The following AUTS2 variants were observed in gnomAD, a reference collection of about 807,000 sequenced individuals.
AUTS2 encodes autism susceptibility gene 2 protein.
In AUTS2, 17 loss-of-function variants were observed where a neutral mutation model predicts 112.4. The ratio of observed to expected loss-of-function variants is 0.15; its 90% confidence interval spans 0.10 to 0.23. AUTS2 has a LOEUF of 0.23. AUTS2 is among the 10% of genes least tolerant of loss of function. The pLI is 1.00. For synonymous variants in AUTS2, 751 were observed against 702.7 expected (o/e 1.07, Z -1.09); for missense variants, 1,510 against 1,701.6 (o/e 0.89, Z 1.98).
At chr7:70,485,543 C>A (rs756342512) in intron 5 of AUTS2, among the ~76,000 whole-genome samples, 5 of 152,112 alleles carry the variant, frequency 3.3e-5, no homozygotes, top group Admixed American at 6.5e-5. Context: ...GTGACGGCTG[C>A]ACCAAAATCT....
rs150182963 is a variant in AUTS2, at chr7:70,119,521, CG to C, written c.624+1289del. ...CCTGGATTACAGGCGCGTGCCACCC[CG>C]CCCAGCTAATTTTTGTATTTTCAAT... On this transcript the variant is annotated intron_variant, in intron 3 of 18. Transcript: ENST00000342771. The C allele has an allele frequency of 1.2e-3, 176 of 151,976 alleles. 1 individual carries two copies. Among genetic ancestry groups the C allele is most frequent in the African/African-American group, 4.2e-3 (173 of 41,420 alleles). 9.4% of individuals were successfully genotyped at this position (151,976 alleles called of 1,614,324 possible). A position where few individuals can be genotyped will look rare whatever the true frequency, so the allele number is the denominator to read the frequency against.
chr7:70,515,306 C>A (rs562020651), intron 5 of AUTS2, among the ~76,000 whole-genome samples: 1 of 152,222 alleles, frequency 6.6e-6, no homozygotes, highest in South Asian at 2.1e-4. Context: ...AATTAAGAGG[C>A]TTTTGCAAGA....
At chr7:70,240,290 T>C (rs1402144448) in intron 4 of AUTS2, among the ~76,000 whole-genome samples, 1 of 152,216 alleles carries the variant, frequency 6.6e-6, no homozygotes, top group Non-Finnish European at 1.5e-5. Context: ...ACACATCTGG[T>C]TGTGAATATT....
chr7:69,771,786 CTTT>C (rs10585402), intron 1 of AUTS2, among the ~76,000 whole-genome samples: 10 of 143,882 alleles, frequency 7.0e-5, no homozygotes, highest in African/African-American at 1.8e-4. Context: ...GTCATGTGAC[CTTT>C]TTTTTTTTTT....
At position 70,619,950 on chromosome 7, in the gene AUTS2, G is replaced by C. The variant is rs536761880; in HGVS notation, c.691-78619G>C. ...AGCCACAGAGCTGGAAGGCTGGACA[G>C]CAGCTAAGACAAGAGGCAGAGGCCT... is the stretch of plus-strand genomic sequence containing the variant. On this transcript the variant is annotated intron_variant, in intron 5 of 18. Coordinates refer to ENST00000342771, the MANE Select transcript of AUTS2 (RefSeq NM_015570.4). 1.0e-3 allele frequency among the ~76,000 whole-genome samples: 157 copies of C among 152,280 alleles called. 1 individual carries two copies. Among genetic ancestry groups the C allele is most frequent in the African/African-American group, 3.7e-3 (154 of 41,558 alleles).
At chr7:70,486,729 C>T (rs745886882) in intron 5 of AUTS2, among the ~76,000 whole-genome samples, 50 of 151,812 alleles carry the variant, frequency 3.3e-4, no homozygotes, top group South Asian at 8.4e-4. Context: ...ACTGCACTCC[C>T]GCCTGTGTGA....
chr7:70,683,701 A>G (rs557041525), intron 5 of AUTS2, among the ~76,000 whole-genome samples: 34 of 152,370 alleles, frequency 2.2e-4, no homozygotes, highest in African/African-American at 8.2e-4. Context: ...ATAGGACCAG[A>G]GAGGAGCTGG....
At chr7:69,627,451 A>G (rs1794008003) in intron 1 of AUTS2, among the ~76,000 whole-genome samples, 1 of 152,140 alleles carries the variant, frequency 6.6e-6, no homozygotes, top group Non-Finnish European at 1.5e-5. Context: ...AGATCACGCC[A>G]TTGCACTCCA....
intron 1 of AUTS2, among the ~76,000 whole-genome samples, chr7:69,650,651 A>G (rs1386557352): frequency 6.6e-6 from 1 of 152,158 alleles, no homozygotes; most frequent in Non-Finnish European, 1.5e-5. Flanking sequence ...AGAGCATTAA[A>G]CCAAGTATGG....
intron 4 of AUTS2, among the ~76,000 whole-genome samples, chr7:70,260,635 G>A (rs191371679): frequency 2.0e-5 from 3 of 152,088 alleles, no homozygotes; most frequent in Non-Finnish European, 2.9e-5. Context: ...GTTTCAACAC[G>A]AGTTTTGGAG....
chr7:69,628,655 A>G (rs74670299), intron 1 of AUTS2, among the ~76,000 whole-genome samples: 2 of 152,328 alleles, frequency 1.3e-5, no homozygotes, highest in East Asian at 3.9e-4. Flanking sequence ...GCGTGTCTTC[A>G]TATGGCTAGA....
At chr7:70,131,693 T>G (rs566170800) in intron 3 of AUTS2, among the ~76,000 whole-genome samples, 16 of 152,210 alleles carry the variant, frequency 1.1e-4, no homozygotes, top group African/African-American at 3.6e-4. Flanking sequence ...ACCAAATATT[T>G]GCAGCTGTAT....
chr7:70,103,130 A>C (rs1283391626), intron 2 of AUTS2, among the ~76,000 whole-genome samples: 1 of 152,234 alleles, frequency 6.6e-6, no homozygotes, highest in Non-Finnish European at 1.5e-5. Context: ...TATTAGAGCT[A>C]TCCAAAGGAA....
chr7:69,822,219 C>T (rs541606742), intron 1 of AUTS2, among the ~76,000 whole-genome samples: 2 of 152,282 alleles, frequency 1.3e-5, no homozygotes, highest in South Asian at 4.2e-4. Context: ...TGTGGACCAG[C>T]CACTTATGCC....
intron 4 of AUTS2, among the ~76,000 whole-genome samples, chr7:70,408,272 T>C (rs1382243769): frequency 6.7e-6 from 1 of 150,320 alleles, no homozygotes; most frequent in East Asian, 2.0e-4. Flanking sequence ...AAGGAAGGGG[T>C]CTGGTATGGT....
At chr7:69,979,828 G>A (rs1321554908) in intron 2 of AUTS2, among the ~76,000 whole-genome samples, 1 of 152,118 alleles carries the variant, frequency 6.6e-6, no homozygotes, top group African/African-American at 2.4e-5. Context: ...GAGAAAAGAG[G>A]GATACAGATT....
chr7:69,906,314 C>T (rs1258598083), intron 2 of AUTS2, among the ~76,000 whole-genome samples: 1 of 152,212 alleles, frequency 6.6e-6, no homozygotes, highest in East Asian at 1.9e-4. Context: ...AGCCTCTGTA[C>T]ATTCTGCATT....
At chr7:70,406,376 G>T (rs1354711119) in intron 4 of AUTS2, among the ~76,000 whole-genome samples, 1 of 152,108 alleles carries the variant, frequency 6.6e-6, no homozygotes, top group East Asian at 1.9e-4. Context: ...CCTGCTGCTG[G>T]AAAACACAGC....
chr7:70,265,093 G>A (rs1001400626), intron 4 of AUTS2, among the ~76,000 whole-genome samples: 7 of 152,212 alleles, frequency 4.6e-5, no homozygotes, highest in African/African-American at 1.4e-4. Flanking sequence ...CTTAAAAACA[G>A]CATTTATTGC....
Sources: gnomAD v4.1 joint callset for allele counts (sites outside exome capture counted in the v4.1 genomes callset) on GRCh38, gnomAD v4.1.1 for gene constraint, MANE v1.5 for transcripts, NCBI Gene and HGNC (gene_info 2026-07-23, HGNC 2026-07-21) for gene names.